KCNAB1: variants seen among roughly 807,000 people sequenced by gnomAD.
The protein encoded by KCNAB1 is voltage-gated potassium channel subunit beta-1.
A neutral mutation model predicts 64.6 loss-of-function variants in KCNAB1; 35 were observed. That is an observed-to-expected ratio of 0.54 (90% CI 0.41 to 0.72). KCNAB1 has a LOEUF of 0.72. Ranked by LOEUF, KCNAB1 falls within the 30% of genes least tolerant of loss-of-function variation. KCNAB1 has a pLI of 0.00. For synonymous variants in KCNAB1, 177 were observed against 183.8 expected (o/e 0.96, Z 0.30); for missense variants, 401 against 512.9 (o/e 0.78, Z 2.11).
At chr3:156,261,424 G>A (rs1312536155) in intron 1 of KCNAB1, among the ~76,000 whole-genome samples, 1 of 151,932 alleles carries the variant, frequency 6.6e-6, no homozygotes, top group African/African-American at 2.4e-5. Context: ...TGCAGTTTGA[G>A]GGAAGGGCCT....
In KCNAB1 at chr3:156,196,149, TCTGTTTTGGTACCATTACCATG is replaced by T. The variant is rs1332157899; in HGVS notation, c.275+75293_275+75314del. Among the ~76,000 whole-genome samples, 13 of 152,314 alleles carry T rather than the reference TCTGTTTTGGTACCATTACCATG, an allele frequency of 8.5e-5. No individual in the cohort carries two copies. In the East Asian group the frequency reaches 1.5e-3, roughly 18 times the overall value. ...TTGTTCTGTTCCACTGGTGTATATA[TCTGTTTTGGTACCATTACCATG>T]CTGTTTTGGTACCATTACCATGCTG... On this transcript the variant is annotated intron_variant, in intron 1 of 13. Transcript: ENST00000490337.
At chr3:156,307,834 T>C (rs1187874388) in intron 1 of KCNAB1, among the ~76,000 whole-genome samples, 1 of 152,234 alleles carries the variant, frequency 6.6e-6, no homozygotes, top group Admixed American at 6.5e-5. Context: ...GAATATAGTC[T>C]CTGAGCATGA....
chr3:156,520,934 TTAAC>T (rs1435862122), intron 11 of KCNAB1, among the ~76,000 whole-genome samples: 24 of 152,276 alleles, frequency 1.6e-4, no homozygotes, highest in African/African-American at 5.8e-4. Context: ...CAATCCAAGA[TTAAC>T]TAACAACTAA....
In KCNAB1 at chr3:156,137,867, C is replaced by T. The variant is rs574572815; in HGVS notation, c.275+16981C>T. ...CACTGTGCCCGGCCTGGATTGCAAACTTGTGAAAGAACTCCCTCCACTCCT... is the reference window on the plus strand; with the variant it reads ...CACTGTGCCCGGCCTGGATTGCAAATTTGTGAAAGAACTCCCTCCACTCCT... On this transcript the variant is annotated intron_variant, in intron 1 of 13. Coordinates refer to ENST00000490337, the MANE Select transcript of KCNAB1 (RefSeq NM_172160.3). Among the ~76,000 whole-genome samples, 9 of 152,062 alleles carry T rather than the reference C, an allele frequency of 5.9e-5. No homozygotes were observed. The South Asian group carries it at 1.9e-3, about 32-fold the overall frequency.
At chr3:156,122,170 G>A (rs1000418486) in intron 1 of KCNAB1, among the ~76,000 whole-genome samples, 3 of 98,910 alleles carry the variant, frequency 3.0e-5, no homozygotes, top group Non-Finnish European at 6.4e-5. Flanking sequence ...GTACATGGGA[G>A]GAAGACCAAA....
chr3:156,410,394 C>T (rs1714567278), intron 1 of KCNAB1, among the ~76,000 whole-genome samples: 2 of 152,226 alleles, frequency 1.3e-5, no homozygotes, highest in South Asian at 4.1e-4. Flanking sequence ...GCCCCCATCT[C>T]CTTCAGTGTG....
At chr3:156,243,746 A>G (rs2108452579) in intron 1 of KCNAB1, among the ~76,000 whole-genome samples, 1 of 152,322 alleles carries the variant, frequency 6.6e-6, no homozygotes, top group East Asian at 1.9e-4. Flanking sequence ...CTGTGATTAG[A>G]TTTGGCTAAG....
intron 3 of KCNAB1, 177 bp from the exon 4 acceptor site, chr3:156,457,276 C>T (rs1470972285): frequency 2.8e-6 from 4 of 1,414,064 alleles, no homozygotes; most frequent in Non-Finnish European, 2.8e-6. Context: ...GGAAAGAATA[C>T]TTCTGTCCTA....
intron 1 of KCNAB1, among the ~76,000 whole-genome samples, chr3:156,339,892 T>C (rs1326987351): frequency 6.6e-6 from 1 of 152,238 alleles, no homozygotes; most frequent in Non-Finnish European, 1.5e-5. Context: ...GATGATCCAG[T>C]TCATTCCTTG....
chr3:156,390,824 A>T lies in KCNAB1; in HGVS notation c.276-30792A>T, dbSNP rs150434678. 8.5e-3 allele frequency among the ~76,000 whole-genome samples: 1,286 copies of T among 152,104 alleles called. 19 individuals are homozygous for T. Among genetic ancestry groups the T allele is most frequent in the African/African-American group, 0.03 (1,229 of 41,470 alleles). On this transcript the variant is annotated intron_variant, in intron 1 of 13. Coordinates refer to ENST00000490337, the MANE Select transcript of KCNAB1 (RefSeq NM_172160.3). Reference sequence around the variant, plus strand: ...ATGGTCTCGATCTCCTGACCTCATGATCCACCTGCCTCGGCCTCCCAAAGT... The same window carrying T: ...ATGGTCTCGATCTCCTGACCTCATGTTCCACCTGCCTCGGCCTCCCAAAGT...
intron 2 of KCNAB1, among the ~76,000 whole-genome samples, chr3:156,439,791 C>T (rs546585511): frequency 5.3e-5 from 8 of 152,322 alleles, no homozygotes; most frequent in East Asian, 3.9e-4. Flanking sequence ...GAGAAATGGA[C>T]GCCATCAGTG....
chr3:156,459,127 G>T (rs140614620), intron 4 of KCNAB1, among the ~76,000 whole-genome samples: 113 of 152,318 alleles, frequency 7.4e-4, no homozygotes, highest in Non-Finnish European at 1.3e-3. Flanking sequence ...GACCCCAGCT[G>T]CTTCTGACAA....
chr3:156,220,960 T>A (rs1210733248), intron 1 of KCNAB1, among the ~76,000 whole-genome samples: 1 of 152,216 alleles, frequency 6.6e-6, no homozygotes, highest in African/African-American at 2.4e-5. Context: ...CCAGCACCAT[T>A]TATTAAATAG....
intron 13 of KCNAB1, among the ~76,000 whole-genome samples, chr3:156,535,842 T>A (rs1395660292): frequency 6.6e-6 from 1 of 152,122 alleles, no homozygotes; most frequent in African/African-American, 2.4e-5. Flanking sequence ...TCCTTCAAAC[T>A]ACCTCCAGGT....
chr3:156,438,938 C>T (rs1272578001), intron 2 of KCNAB1, among the ~76,000 whole-genome samples: 4 of 151,846 alleles, frequency 2.6e-5, no homozygotes, highest in African/African-American at 9.7e-5. Context: ...CGCTTGAACC[C>T]GGGAGGCGGA....
intron 1 of KCNAB1, among the ~76,000 whole-genome samples, chr3:156,182,845 C>T (rs1000333254): frequency 4.0e-5 from 6 of 151,412 alleles, no homozygotes; most frequent in African/African-American, 1.5e-4. Context: ...ATTACAGGCG[C>T]CCGCCACTAT....
intron 1 of KCNAB1, among the ~76,000 whole-genome samples, chr3:156,397,991 AG>A (rs1409983496): frequency 1.4e-4 from 21 of 152,240 alleles, no homozygotes; most frequent in African/African-American, 4.8e-4. Flanking sequence ...CAGGAAAACC[AG>A]GCACCTCCAA....
At chr3:156,120,490 TG>T, upstream of KCNAB1, 2 of 1,115,268 alleles carry the variant, frequency 1.8e-6, no homozygotes, top group Non-Finnish European at 1.3e-6. Flanking sequence ...TACAGCTTTG[TG>T]GCAGGATAAG....
At chr3:156,306,735 C>G (rs888774179) in intron 1 of KCNAB1, among the ~76,000 whole-genome samples, 3 of 152,224 alleles carry the variant, frequency 2.0e-5, no homozygotes, top group African/African-American at 4.8e-5. Context: ...GGCCCTGTGA[C>G]AGTGGAGAGA....
Sources: allele counts gnomAD v4.1 joint callset (sites outside exome capture counted in the v4.1 genomes callset), GRCh38; gene constraint gnomAD v4.1.1; transcripts MANE v1.5; gene names NCBI Gene and HGNC (gene_info 2026-07-23, HGNC 2026-07-21).